The following AUTS2 variants were observed in gnomAD, a reference collection of about 807,000 sequenced individuals.
The protein encoded by AUTS2 is activator of transcription and developmental regulator AUTS2, also known as autism susceptibility gene 2 protein.
In AUTS2, 17 loss-of-function variants were observed where a neutral mutation model predicts 112.4. The ratio of observed to expected loss-of-function variants is 0.15; its 90% CI spans 0.10 to 0.23. AUTS2 has a LOEUF of 0.23. AUTS2 is among the 10% of genes least tolerant of loss of function. The pLI is 1.00. For missense variants in AUTS2, 1,510 were observed against 1,701.6 expected, an observed-to-expected ratio of 0.89 and a Z score of 1.98; for synonymous variants, 751 against 702.7, an observed-to-expected ratio of 1.07 and a Z score of -1.09.
intron 5 of AUTS2, among the ~76,000 whole-genome samples, chr7:70,615,826 A>G (rs1804336937): frequency 6.6e-6 from 1 of 152,004 alleles, no homozygotes; most frequent in African/African-American, 2.4e-5. Flanking sequence ...GCTCACTGCA[A>G]CCTTCACCTC....
intron 5 of AUTS2, among the ~76,000 whole-genome samples, chr7:70,463,248 G>T (rs1440518478): frequency 6.6e-6 from 1 of 152,202 alleles, no homozygotes; most frequent in African/African-American, 2.4e-5. Flanking sequence ...CCTTGAAAAG[G>T]AGCACAGAGA....
At chr7:70,251,422 C>A (rs1786590969) in intron 4 of AUTS2, among the ~76,000 whole-genome samples, 1 of 152,138 alleles carries the variant, frequency 6.6e-6, no homozygotes, top group African/African-American at 2.4e-5. Flanking sequence ...CACCTCTTCT[C>A]TAAATGTACT....
At chr7:70,143,641 AAAAC>A (rs1806976457) in intron 4 of AUTS2, among the ~76,000 whole-genome samples, 2 of 152,176 alleles carry the variant, frequency 1.3e-5, no homozygotes, top group Admixed American at 6.6e-5. Context: ...AGGATGAATA[AAAAC>A]AAACAAAAAA....
chr7:70,462,125 G>A (rs1003484616), intron 5 of AUTS2, among the ~76,000 whole-genome samples: 10 of 151,998 alleles, frequency 6.6e-5, no homozygotes, highest in African/African-American at 2.4e-4. Flanking sequence ...GGTGGCATGC[G>A]TCTGTAGTCC....
chr7:70,401,330 C>G (rs976185091), intron 4 of AUTS2, among the ~76,000 whole-genome samples: 2 of 152,158 alleles, frequency 1.3e-5, no homozygotes, highest in African/African-American at 4.8e-5. Flanking sequence ...CCTGGGGAAG[C>G]CTGCATGTGT....
intron 2 of AUTS2, among the ~76,000 whole-genome samples, chr7:70,113,758 C>G (rs10228786): frequency 0.08 from 12,198 of 152,212 alleles, 630 homozygotes; most frequent in African/African-American, 0.13. Context: ...GGATTAATGA[C>G]ACCTACTGGG....
intron 2 of AUTS2, among the ~76,000 whole-genome samples, chr7:69,915,090 A>G (rs1475307515): frequency 6.6e-6 from 1 of 152,128 alleles, no homozygotes; most frequent in Non-Finnish European, 1.5e-5. Context: ...TATTGTGAAG[A>G]GTTCATGGAG....
rs533322376 is a variant in AUTS2, at chr7:70,082,951, G to A, written c.523-35181G>A. 3.9e-5 allele frequency among the ~76,000 whole-genome samples: 6 copies of A among 152,260 alleles called. No homozygotes were observed. The South Asian group carries it at 6.2e-4, about 16-fold the overall frequency. The stretch of plus-strand genomic sequence containing the variant: ...ACCTACTGTGTGACTTGGTGCTAGG[G>A]ATTCATTAGTAAACAAAGCAGGAAT... On this transcript the variant is annotated intron_variant, in intron 2 of 18. Coordinates refer to ENST00000342771, the MANE Select transcript of AUTS2 (RefSeq NM_015570.4).
At chr7:70,635,842 A>G (rs79923248) in intron 5 of AUTS2, among the ~76,000 whole-genome samples, 16,306 of 152,190 alleles carry the variant, frequency 0.11, 986 homozygotes, top group East Asian at 0.21. Flanking sequence ...TTGACACACA[A>G]TTGATGATGT....
intron 4 of AUTS2, among the ~76,000 whole-genome samples, chr7:70,170,177 T>G (rs1470959446): frequency 6.7e-6 from 1 of 150,352 alleles, no homozygotes; most frequent in African/African-American, 2.5e-5. Context: ...TTTTTTTTTT[T>G]GAGACAGGGT....
intron 6 of AUTS2, among the ~76,000 whole-genome samples, chr7:70,761,997 A>G (rs1238594903): frequency 6.6e-6 from 1 of 152,318 alleles, no homozygotes; most frequent in East Asian, 1.9e-4. Context: ...GGGCATTAAG[A>G]GACCTGCCTT....
intron 2 of AUTS2, among the ~76,000 whole-genome samples, chr7:70,067,165 A>G (rs1802536071): frequency 6.6e-6 from 1 of 152,248 alleles, no homozygotes; most frequent in African/African-American, 2.4e-5. Context: ...CAGCCTTTTA[A>G]CCAAAAGAGA....
chr7:70,100,644 G>T (rs1804438586), intron 2 of AUTS2, among the ~76,000 whole-genome samples: 1 of 148,700 alleles, frequency 6.7e-6, no homozygotes, highest in African/African-American at 2.5e-5. Context: ...CGTTCTCATT[G>T]GTTGTACCAT....
At chr7:70,251,132 T>G (rs1786574389) in intron 4 of AUTS2, among the ~76,000 whole-genome samples, 1 of 152,180 alleles carries the variant, frequency 6.6e-6, no homozygotes, top group Admixed American at 6.5e-5. Context: ...TGGCACAATC[T>G]TGGCTCACTG....
At chr7:69,944,260 G>C (rs1562985511) in intron 2 of AUTS2, among the ~76,000 whole-genome samples, 2 of 152,126 alleles carry the variant, frequency 1.3e-5, no homozygotes, top group Admixed American at 6.5e-5. Context: ...AGAGTCTGTA[G>C]ACTATTCCTA....
chr7:70,116,883 A>G (rs1468349682), intron 2 of AUTS2, among the ~76,000 whole-genome samples: 1 of 152,192 alleles, frequency 6.6e-6, no homozygotes, highest in Non-Finnish European at 1.5e-5. Flanking sequence ...TATTGGAAAC[A>G]TTGTCAAGGG....
At chr7:70,493,000 T>C (rs1798311337) in intron 5 of AUTS2, among the ~76,000 whole-genome samples, 1 of 152,204 alleles carries the variant, frequency 6.6e-6, no homozygotes, top group African/African-American at 2.4e-5. Context: ...CACTTCCACG[T>C]AGTACTATAT....
intron 2 of AUTS2, among the ~76,000 whole-genome samples, chr7:70,084,667 C>T (rs549197374): frequency 7.2e-5 from 11 of 152,222 alleles, no homozygotes; most frequent in Non-Finnish European, 1.6e-4. Context: ...GATTTTTCAT[C>T]TGTATATCTT....
At chr7:69,899,519 T>C in intron 2 of AUTS2, 21 bp downstream of exon 2, 1 of 1,612,328 alleles carries the variant, frequency 6.2e-7, no homozygotes, top group Non-Finnish European at 8.5e-7. Flanking sequence ...TTGGGTTCGC[T>C]CTTTCCTGTG....
Sources: gnomAD v4.1 joint callset for allele counts (sites outside exome capture counted in the v4.1 genomes callset) on GRCh38, gnomAD v4.1.1 for gene constraint, MANE v1.5 for transcripts, NCBI Gene and HGNC (gene_info 2026-07-23, HGNC 2026-07-21) for gene names.